Variants in GREB1L observed in about 807,000 individuals in gnomAD.
GREB1L encodes GREB1 like retinoic acid receptor coactivator, also known as GREB1-like protein.
In GREB1L, 17 loss-of-function variants were observed where a neutral mutation model predicts 200.8. The observed-to-expected ratio is 0.08, with a 90% CI of 0.06 to 0.13. The LOEUF (loss-of-function observed/expected upper bound fraction) is 0.13, where lower values mean the gene tolerates loss of function less well. Among genes scored for constraint, GREB1L ranks in the 10% least tolerant of loss-of-function variants. The pLI is 1.00. For missense variants in GREB1L, 1,657 were observed against 2,367.7 expected (o/e 0.70, Z 6.23); for synonymous variants, 789 against 893.0 (o/e 0.88, Z 2.08).
At chr18:21,361,798 A>G (rs1217021569) in intron 1 of GREB1L, among the ~76,000 whole-genome samples, 1 of 151,918 alleles carries the variant, frequency 6.6e-6, no homozygotes, top group African/African-American at 2.4e-5. Flanking sequence ...TAGCATGCAT[A>G]TTGATTCTAT....
At chr18:21,438,707 G>A (rs2033698372) in intron 7 of GREB1L, among the ~76,000 whole-genome samples, 1 of 150,836 alleles carries the variant, frequency 6.6e-6, no homozygotes. Flanking sequence ...GCCTGTAATC[G>A]CAGCACTTTG....
At chr18:21,396,452 A>G (rs2041070940) in intron 5 of GREB1L, among the ~76,000 whole-genome samples, 2 of 152,240 alleles carry the variant, frequency 1.3e-5, no homozygotes, top group African/African-American at 4.8e-5. Flanking sequence ...TTTATAAAGA[A>G]AAGAGAATTC....
intron 23 of GREB1L, among the ~76,000 whole-genome samples, chr18:21,503,913 G>A (rs1285188203): frequency 1.3e-5 from 2 of 151,732 alleles, no homozygotes; most frequent in African/African-American, 4.9e-5. Context: ...CCAGCTGTGT[G>A]CCTGCAACTG....
At chr18:21,433,241 G>T (rs777471409) in intron 7 of GREB1L, among the ~76,000 whole-genome samples, 1 of 152,074 alleles carries the variant, frequency 6.6e-6, no homozygotes, top group Admixed American at 6.6e-5. Context: ...ACTATGGATT[G>T]TTGTTTATAT....
intron 28 of GREB1L, among the ~76,000 whole-genome samples, chr18:21,514,528 T>C (rs571430661): frequency 1.3e-5 from 2 of 152,150 alleles, no homozygotes; most frequent in African/African-American, 4.8e-5. Flanking sequence ...AAAACAAAAA[T>C]AAAGTCTGTT....
At chr18:21,382,613 T>C (rs775003999) in intron 2 of GREB1L, among the ~76,000 whole-genome samples, 9 of 151,330 alleles carry the variant, frequency 5.9e-5, no homozygotes, top group Non-Finnish European at 1.0e-4. Flanking sequence ...TGCCTCAGCC[T>C]CCTGAGTAGC....
chr18:21,427,609 G>A (rs2032719541), intron 7 of GREB1L, among the ~76,000 whole-genome samples: 2 of 152,238 alleles, frequency 1.3e-5, no homozygotes, highest in South Asian at 4.1e-4. Context: ...TATTTCTGAT[G>A]CTATTATAAA....
At chr18:21,277,939 A>G (rs1299415225) in intron 1 of GREB1L, among the ~76,000 whole-genome samples, 2 of 152,224 alleles carry the variant, frequency 1.3e-5, no homozygotes, top group African/African-American at 2.4e-5. Flanking sequence ...TGAAAGCAAG[A>G]AAGTGCCAAA....
At chr18:21,373,134 G>A (rs1360650162) in intron 2 of GREB1L, among the ~76,000 whole-genome samples, 1 of 152,024 alleles carries the variant, frequency 6.6e-6, no homozygotes, top group Non-Finnish European at 1.5e-5. Context: ...CGTCTCCACT[G>A]AGAAGGCACG....
chr18:21,369,842 A>T (rs2039806740), intron 2 of GREB1L, among the ~76,000 whole-genome samples: 1 of 151,698 alleles, frequency 6.6e-6, no homozygotes, highest in Non-Finnish European at 1.5e-5. Context: ...TCAGCTACTC[A>T]GGAGGCTGAG....
chr18:21,448,831 T>G (rs2034374226), intron 11 of GREB1L, among the ~76,000 whole-genome samples: 1 of 152,112 alleles, frequency 6.6e-6, no homozygotes, highest in Non-Finnish European at 1.5e-5. Flanking sequence ...TCCCCCTGAT[T>G]CCAGGGGCCA....
At chr18:21,288,081 G>T (rs2038387317) in intron 1 of GREB1L, among the ~76,000 whole-genome samples, 1 of 152,014 alleles carries the variant, frequency 6.6e-6, no homozygotes, top group Non-Finnish European at 1.5e-5. Flanking sequence ...GGGATTACAG[G>T]CGTGAGCCAC....
chr18:21,514,490 G>C (rs2037348538), intron 28 of GREB1L, among the ~76,000 whole-genome samples: 1 of 150,426 alleles, frequency 6.6e-6, no homozygotes, highest in South Asian at 2.1e-4. Flanking sequence ...ACTCCAACCT[G>C]GGTGACAGAG....
intron 21 of GREB1L, among the ~76,000 whole-genome samples, chr18:21,499,012 T>G (rs1413395227): frequency 6.6e-6 from 1 of 152,138 alleles, no homozygotes; most frequent in Non-Finnish European, 1.5e-5. Flanking sequence ...TGAAAGGAAC[T>G]GGTCAAATAT....
At chr18:21,436,341 CA>C (rs2033532400) in intron 7 of GREB1L, among the ~76,000 whole-genome samples, 1 of 152,084 alleles carries the variant, frequency 6.6e-6, no homozygotes, top group South Asian at 2.1e-4. Context: ...AAGCTGTGAA[CA>C]AAAGATAGGC....
intron 1 of GREB1L, among the ~76,000 whole-genome samples, chr18:21,334,054 G>A (rs1446464463): frequency 6.6e-6 from 1 of 151,922 alleles, no homozygotes; most frequent in African/African-American, 2.4e-5. Flanking sequence ...CTTTCCTAGG[G>A]CCCCAACATT....
At position 21,449,723 on chromosome 18, in the gene GREB1L, C is replaced by T; in HGVS notation, c.1607C>T (p.Ser536Leu). ...VTQNSLAEGI[S>L]ETLRTLSEMR... ...CAGAACTCTTTGGCGGAGGGCATTT[C>T]AGAGACCTTAAGGACTCTCAGTGAA... Residue 536 changes from serine (S) to leucine (L), a missense_variant, in exon 12 of 33, where the codon TCA becomes TTA. Physicochemically the swap from Ser to Leu is moderately radical, Grantham distance 145 (BLOSUM62 -2). Around this residue, in one of 9 missense-constraint regions of GREB1L, gnomAD observed 239 missense variants for 421.8 expected, o/e 0.57. Transcript: ENST00000424526. 1 of 1,551,590 alleles carries T rather than the reference C, an allele frequency of 6.4e-7. No homozygotes were observed. The highest frequency in any genetic ancestry group is 8.7e-7 in the Non-Finnish European group (1 of 1,146,898).
At chr18:21,320,731 A>G (rs945170390) in intron 1 of GREB1L, among the ~76,000 whole-genome samples, 1 of 151,608 alleles carries the variant, frequency 6.6e-6, no homozygotes, top group African/African-American at 2.4e-5. Context: ...GCGCCACTGC[A>G]CTCCAGCCTG....
At chr18:21,520,855 G>A (rs1405941340) in intron 32 of GREB1L, 32 bp downstream of exon 32, 2 of 1,508,530 alleles carry the variant, frequency 1.3e-6, no homozygotes, top group Non-Finnish European at 1.8e-6. Context: ...GCTTGTAATT[G>A]CTATTGGTTC....
Sources: gnomAD v4.1 joint callset for allele counts (sites outside exome capture counted in the v4.1 genomes callset) on GRCh38, gnomAD v4.1.1 for gene constraint, gnomAD v4.1.1 regional missense constraint, MANE v1.5 for transcripts, NCBI Gene and HGNC (gene_info 2026-07-23, HGNC 2026-07-21) for gene names.